Variants in SLC36A4 observed in about 807,000 individuals in gnomAD.
SLC36A4 encodes the protein neutral amino acid uniporter 4.
SLC36A4 carries 49 observed loss-of-function variants against 50.5 expected under a neutral mutation model. The ratio of observed to expected loss-of-function variants is 0.97; its 90% CI spans 0.77 to 1.23. The LOEUF (loss-of-function observed/expected upper bound fraction) is 1.23, where lower values mean the gene tolerates loss of function less well. Among genes scored for constraint, SLC36A4 ranks in the 50% most tolerant of loss-of-function variants. The pLI is 0.00. For synonymous variants in SLC36A4, 207 were observed against 206.5 expected (o/e 1.00, Z -0.02); for missense variants, 611 against 608.4 (o/e 1.00, Z -0.05).
At chr11:93,186,963 T>A (rs1862008895) in intron 1 of SLC36A4, among the ~76,000 whole-genome samples, 1 of 152,158 alleles carries the variant, frequency 6.6e-6, no homozygotes, top group Non-Finnish European at 1.5e-5. Flanking sequence ...ATGTTGCTGG[T>A]CTGGGGACCA....
In SLC36A4 at chr11:93,147,426, A is replaced by C. The variant is rs763671360; in HGVS notation, c.*1111T>G. ...ATGTGGTGCCTACAAAACTCAGGAAAGGAAGGTAATAATTAAAAAAGCTCA... is the reference window on the plus strand; with the variant it reads ...ATGTGGTGCCTACAAAACTCAGGAACGGAAGGTAATAATTAAAAAAGCTCA... On this transcript the variant is annotated 3_prime_UTR_variant, in exon 11 of 11. Transcript: ENST00000326402. The C allele has an allele frequency of 1.3e-4, 20 of 152,128 alleles. No individual in the cohort carries two copies. The highest frequency in any genetic ancestry group is 2.5e-4 in the Non-Finnish European group (17 of 68,018). 9.4% of individuals were successfully genotyped at this position (152,128 alleles called of 1,614,324 possible).
intron 6 of SLC36A4, among the ~76,000 whole-genome samples, chr11:93,177,847 C>T (rs1205201332): frequency 1.3e-5 from 2 of 152,214 alleles, no homozygotes; most frequent in Non-Finnish European, 2.9e-5. Context: ...GGCAGTCTGT[C>T]CGTTCTCAGA....
chr11:93,173,552 T>G (rs989654052), intron 6 of SLC36A4, among the ~76,000 whole-genome samples: 12 of 143,644 alleles, frequency 8.4e-5, no homozygotes, highest in Admixed American at 2.8e-4. Flanking sequence ...AATGCCTAGG[T>G]TTTCTTCTAG....
chr11:93,157,489 T>G (rs755846860), intron 9 of SLC36A4, among the ~76,000 whole-genome samples: 1 of 152,224 alleles, frequency 6.6e-6, no homozygotes, highest in Non-Finnish European at 1.5e-5. Flanking sequence ...TGGAATGTTT[T>G]TCCATTTGTT....
intron 3 of SLC36A4, 83 bp downstream of exon 3, chr11:93,184,347 T>C: frequency 2.4e-6 from 2 of 835,828 alleles, no homozygotes; most frequent in South Asian, 1.4e-5. Context: ...TACCAGGTTA[T>C]ATTTGACTAG....
chr11:93,161,956 A>G (rs1031829399), intron 9 of SLC36A4, among the ~76,000 whole-genome samples: 3 of 152,130 alleles, frequency 2.0e-5, no homozygotes, highest in Non-Finnish European at 4.4e-5. Flanking sequence ...AAGATGATGC[A>G]CCATTTTGTT....
At chr11:93,182,159 G>A (rs1230683973) in intron 4 of SLC36A4, 2 of 198,840 alleles carry the variant, frequency 1.0e-5, no homozygotes, top group Non-Finnish European at 1.8e-5. Flanking sequence ...TAATACATCT[G>A]TGCAAGGCTG....
In SLC36A4 at chr11:93,162,719, G is replaced by T; in HGVS notation, c.1024C>A (p.Pro342Thr). ...ATATACACCTACCATACATCTTGGG[G>T]AAGATTTAAAGTTATGCTGCCTTTG... ...EIKGSITLNL[P>T]QDVWLYQSVK... The change falls in exon 9 of 11, where the codon CCC becomes ACC. Residue 342 changes from proline (P) to threonine (T), a missense_variant. Coordinates refer to ENST00000326402, the MANE Select transcript of SLC36A4 (RefSeq NM_152313.4). 1 of 1,608,498 alleles carries T rather than the reference G, an allele frequency of 6.2e-7. No homozygotes were observed. Among genetic ancestry groups the T allele is most frequent in the South Asian group, 1.1e-5 (1 of 90,220 alleles).
chr11:93,172,553 G>C (rs987690767), intron 6 of SLC36A4, among the ~76,000 whole-genome samples: 2 of 150,096 alleles, frequency 1.3e-5, no homozygotes, highest in African/African-American at 2.5e-5. Context: ...CCACTAACTC[G>C]TCATCTAGCA....
At chr11:93,171,627 T>C (rs1425824954) in intron 6 of SLC36A4, 5 of 152,054 alleles carry the variant, frequency 3.3e-5, no homozygotes, top group Non-Finnish European at 7.4e-5. Context: ...TAAATTCAAA[T>C]AGAGCTTGTA....
chr11:93,184,871 A>G (rs755846300), intron 2 of SLC36A4, among the ~76,000 whole-genome samples: 2 of 152,186 alleles, frequency 1.3e-5, no homozygotes, highest in Non-Finnish European at 2.9e-5. Context: ...TTCTCATAAG[A>G]TATTTTGCTG....
intron 6 of SLC36A4, chr11:93,180,429 A>AT (rs1395794965): frequency 4.7e-6 from 3 of 639,542 alleles, no homozygotes; most frequent in Non-Finnish European, 5.8e-6. Context: ...TTTTTACTTG[A>AT]TTTTTTAGCC....
rs17631593 is a variant in SLC36A4, at chr11:93,181,851, C to T, written c.360-65G>A. 0.14 allele frequency: 185,501 copies of T among 1,331,650 alleles called. 13,916 individuals carry two copies. The highest frequency in any genetic ancestry group is 0.15 in the Non-Finnish European group (150,772 of 994,824). 82.5% of individuals were successfully genotyped at this position (1,331,650 alleles called of 1,614,324 possible). Reference sequence around the variant, plus strand: ...ATTTTAAGGTGGTCCATAAAACCACCTCTTGAAATAAACATAAAATAAATG... The same window carrying T: ...ATTTTAAGGTGGTCCATAAAACCACTTCTTGAAATAAACATAAAATAAATG... On this transcript the variant is annotated intron_variant, in intron 4 of 10. Coordinates refer to ENST00000326402, the MANE Select transcript of SLC36A4 (RefSeq NM_152313.4).
chr11:93,170,414 T>G (rs1244489389), intron 6 of SLC36A4, among the ~76,000 whole-genome samples: 1 of 152,072 alleles, frequency 6.6e-6, no homozygotes, highest in Non-Finnish European at 1.5e-5. Flanking sequence ...TTGTATCTTT[T>G]ACATTTTACA....
intron 10 of SLC36A4, among the ~76,000 whole-genome samples, chr11:93,153,034 AC>A (rs1418952439): frequency 6.6e-6 from 1 of 152,114 alleles, no homozygotes; most frequent in Non-Finnish European, 1.5e-5. Flanking sequence ...TTCGAAAAAT[AC>A]ATTTTATCTA....
In SLC36A4 at chr11:93,144,935, A is replaced by G. The variant is rs1290133355; in HGVS notation, c.*3602T>C. On this transcript the variant is annotated 3_prime_UTR_variant, in exon 11 of 11. Coordinates refer to ENST00000326402, the MANE Select transcript of SLC36A4 (RefSeq NM_152313.4). ...ATTCCTCAACAGATGGTATTGAGCC[A>G]CTGATGCTATTTAAATAATTTTATT... is the stretch of plus-strand genomic sequence containing the variant. 1.3e-5 allele frequency: 2 copies of G among 152,032 alleles called. No individual in the cohort carries two copies. Among genetic ancestry groups the G allele is most frequent in the Admixed American group, 6.6e-5 (1 of 15,230 alleles). 9.4% of individuals were successfully genotyped at this position (152,032 alleles called of 1,614,324 possible).
intron 6 of SLC36A4, among the ~76,000 whole-genome samples, chr11:93,176,349 T>G (rs991838658): frequency 1.3e-5 from 2 of 151,976 alleles, no homozygotes; most frequent in African/African-American, 4.8e-5. Flanking sequence ...TGTCTCTGCA[T>G]GTGAGATGGG....
intron 8 of SLC36A4, among the ~76,000 whole-genome samples, chr11:93,164,148 C>T (rs1860756974): frequency 6.6e-6 from 1 of 152,146 alleles, no homozygotes; most frequent in African/African-American, 2.4e-5. Flanking sequence ...TGGGGTATCA[C>T]TACTTGCAGC....
chr11:93,181,187 T>C (rs191885761), intron 5 of SLC36A4, among the ~76,000 whole-genome samples: 19 of 152,106 alleles, frequency 1.2e-4, no homozygotes, highest in African/African-American at 4.3e-4. Flanking sequence ...CCTGTATTCA[T>C]CTTACTTTGA....
Sources: gnomAD v4.1 joint callset for allele counts (sites outside exome capture counted in the v4.1 genomes callset) on GRCh38, gnomAD v4.1.1 for gene constraint, MANE v1.5 for transcripts, NCBI Gene and HGNC (gene_info 2026-07-23, HGNC 2026-07-21) for gene names.